The following ZNF385B variants were observed in gnomAD, a reference collection of about 807,000 sequenced individuals.
The protein encoded by ZNF385B is zinc finger protein 533.
In ZNF385B, 23 loss-of-function variants were observed where a neutral mutation model predicts 39.2. The observed-to-expected ratio is 0.59, with a 90% confidence interval of 0.42 to 0.83. ZNF385B has a LOEUF of 0.83. ZNF385B is among the 40% of genes least tolerant of loss of function. ZNF385B has a pLI of 0.00. For synonymous variants in ZNF385B, 205 were observed against 222.6 expected (o/e 0.92, Z 0.70); for missense variants, 552 against 598.9 (o/e 0.92, Z 0.82).
intron 1 of ZNF385B, among the ~76,000 whole-genome samples, chr2:179,837,053 C>T (rs866312950): frequency 1.3e-5 from 2 of 152,112 alleles, no homozygotes; most frequent in South Asian, 2.1e-4. Context: ...CTATAAATCA[C>T]GTAAGACAGA....
intron 5 of ZNF385B, 71 bp downstream of exon 5, chr2:179,518,457 T>C (rs986870550): frequency 1.8e-5 from 19 of 1,072,938 alleles, no homozygotes; most frequent in Non-Finnish European, 2.6e-5. Flanking sequence ...TATGAAGAAA[T>C]GTACGTATTT....
chr2:179,836,386 T>G (rs1396397218), intron 1 of ZNF385B, among the ~76,000 whole-genome samples: 1 of 152,212 alleles, frequency 6.6e-6, no homozygotes, highest in Admixed American at 6.5e-5. Flanking sequence ...GTATTGCTTC[T>G]ACTGGAATAT....
At chr2:179,815,265 T>C (rs1023999703) in intron 1 of ZNF385B, among the ~76,000 whole-genome samples, 2 of 152,134 alleles carry the variant, frequency 1.3e-5, no homozygotes, top group African/African-American at 2.4e-5. Context: ...CATCTTTCAT[T>C]TGATACCTGT....
intron 3 of ZNF385B, among the ~76,000 whole-genome samples, chr2:179,560,178 A>G (rs1457779750): frequency 6.6e-6 from 1 of 152,188 alleles, no homozygotes; most frequent in Non-Finnish European, 1.5e-5. Context: ...CCAGCAATGA[A>G]CACCAAAAGT....
At chr2:179,647,700 T>C (rs1341128809) in intron 3 of ZNF385B, among the ~76,000 whole-genome samples, 3 of 152,114 alleles carry the variant, frequency 2.0e-5, no homozygotes, top group Non-Finnish European at 4.4e-5. Context: ...ACTACCTACA[T>C]TAAAAAGGCA....
At chr2:179,688,216 T>C (rs564921118) in intron 3 of ZNF385B, among the ~76,000 whole-genome samples, 1 of 151,922 alleles carries the variant, frequency 6.6e-6, no homozygotes, top group African/African-American at 2.4e-5. Context: ...TTGGGGACAA[T>C]TAGAGAAAAG....
At chr2:179,700,838 C>G (rs1378878611) in intron 3 of ZNF385B, among the ~76,000 whole-genome samples, 1 of 152,040 alleles carries the variant, frequency 6.6e-6, no homozygotes, top group Non-Finnish European at 1.5e-5. Context: ...ACGGTGAAAC[C>G]CCGTCCCTAC....
chr2:179,517,810 C>T (rs1402943978), intron 5 of ZNF385B, among the ~76,000 whole-genome samples: 1 of 151,898 alleles, frequency 6.6e-6, no homozygotes, highest in African/African-American at 2.4e-5. Flanking sequence ...ATTTAAAAAC[C>T]CATTTTCATA....
intron 3 of ZNF385B, among the ~76,000 whole-genome samples, chr2:179,729,274 C>A (rs1026301496): frequency 6.6e-6 from 1 of 152,052 alleles, no homozygotes; most frequent in Non-Finnish European, 1.5e-5. Context: ...ATTAATCAAG[C>A]AAACATCATT....
At chr2:179,842,192 A>G (rs1708570962) in intron 1 of ZNF385B, among the ~76,000 whole-genome samples, 1 of 152,184 alleles carries the variant, frequency 6.6e-6, no homozygotes. Context: ...GTATATAAAC[A>G]CCCCTGGGAT....
At chr2:179,586,496 G>A (rs977325328) in intron 3 of ZNF385B, among the ~76,000 whole-genome samples, 1 of 152,036 alleles carries the variant, frequency 6.6e-6, no homozygotes, top group Non-Finnish European at 1.5e-5. Context: ...TAAATGACTC[G>A]CCTAAGGTCA....
intron 3 of ZNF385B, among the ~76,000 whole-genome samples, chr2:179,657,724 ATAATT>A (rs1389484536): frequency 6.6e-6 from 1 of 152,252 alleles, no homozygotes; most frequent in Non-Finnish European, 1.5e-5. Flanking sequence ...AGTTGATAAA[ATAATT>A]TAGTAAGACA....
At chr2:179,537,217 G>A (rs1366624385) in intron 4 of ZNF385B, among the ~76,000 whole-genome samples, 9 of 151,298 alleles carry the variant, frequency 5.9e-5, no homozygotes, top group African/African-American at 1.2e-4. Flanking sequence ...CAAGAGAATC[G>A]CTTGAACCTG....
intron 1 of ZNF385B, among the ~76,000 whole-genome samples, chr2:179,850,247 A>G (rs1312355303): frequency 6.6e-6 from 1 of 152,134 alleles, no homozygotes; most frequent in Non-Finnish European, 1.5e-5. Flanking sequence ...TATTTTATTA[A>G]TAATGCCAAG....
intron 5 of ZNF385B, among the ~76,000 whole-genome samples, chr2:179,508,154 C>T (rs189102139): frequency 1.2e-3 from 190 of 152,256 alleles, no homozygotes; most frequent in African/African-American, 4.4e-3. Context: ...AGCCAAATGC[C>T]TGCTCAAGCA....
chr2:179,683,414 C>T (rs149038747), intron 3 of ZNF385B, among the ~76,000 whole-genome samples: 1 of 151,456 alleles, frequency 6.6e-6, no homozygotes, highest in Non-Finnish European at 1.5e-5. Flanking sequence ...GAGTGGCTAT[C>T]TCTGAGTGGT....
chr2:179,763,146 T>G (rs866676293), intron 3 of ZNF385B, among the ~76,000 whole-genome samples: 1 of 152,120 alleles, frequency 6.6e-6, no homozygotes, highest in African/African-American at 2.4e-5. Flanking sequence ...TCAAGTGATC[T>G]GCCCACCTCA....
chr2:179,751,454 A>T (rs142391072), intron 3 of ZNF385B, among the ~76,000 whole-genome samples: 2 of 152,278 alleles, frequency 1.3e-5, no homozygotes, highest in East Asian at 3.9e-4. Context: ...ATTTCTGGGA[A>T]AACATATTTG....
intron 3 of ZNF385B, among the ~76,000 whole-genome samples, chr2:179,588,393 T>C (rs935049203): frequency 6.6e-6 from 1 of 152,172 alleles, no homozygotes; most frequent in Admixed American, 6.5e-5. Context: ...AAAAATGCTA[T>C]TCTGCCTGGG....
Sources: allele counts gnomAD v4.1 joint callset (sites outside exome capture counted in the v4.1 genomes callset), GRCh38; gene constraint gnomAD v4.1.1; transcripts MANE v1.5; gene names NCBI Gene and HGNC (gene_info 2026-07-23, HGNC 2026-07-21).